Variants in C8orf34 observed in about 807,000 individuals in gnomAD.
The protein encoded by C8orf34 is uncharacterized protein C8orf34.
C8orf34 carries 65 observed loss-of-function variants against 68.3 expected under a neutral mutation model. The observed-to-expected ratio is 0.95, with a 90% confidence interval of 0.78 to 1.17. The LOEUF is 1.17. Among genes scored for constraint, C8orf34 ranks in the 50% most tolerant of loss-of-function variants. The probability of loss-of-function intolerance (pLI) is 0.00; values close to 1 mark genes in which losing one functional copy is unlikely to be tolerated. For missense variants in C8orf34, 664 were observed against 655.4 expected (o/e 1.01, Z -0.14); for synonymous variants, 244 against 241.2 (o/e 1.01, Z -0.11).
At chr8:68,741,947 A>G (rs1301952545) in intron 10 of C8orf34, among the ~76,000 whole-genome samples, 1 of 152,216 alleles carries the variant, frequency 6.6e-6, no homozygotes, top group East Asian at 1.9e-4. Context: ...TTGACATGAC[A>G]TAACCAATCT....
In C8orf34 at chr8:68,787,474, A is replaced by G. The variant is rs777473358; in HGVS notation, c.1487A>G (p.His496Arg). ...TCCTTAAAGCAATTGCAGGTAGTTC[A>G]TCAACCATGGATCTTGCCAAGTGAC... is the stretch of plus-strand genomic sequence containing the variant. ...DESLKQLQVV[H>R]QPWILPSDTE... Residue 496 changes from histidine to arginine, a missense_variant, in exon 12 of 14, where the codon CAT becomes CGT. Transcript: ENST00000518698. 1.9e-6 allele frequency: 3 copies of G among 1,612,814 alleles called. No homozygotes were observed. In the Admixed American group the frequency reaches 5.0e-5, roughly 27 times the overall value.
At chr8:68,491,486 C>G (rs1253886878) in intron 5 of C8orf34, among the ~76,000 whole-genome samples, 2 of 152,098 alleles carry the variant, frequency 1.3e-5, no homozygotes, top group Non-Finnish European at 2.9e-5. Flanking sequence ...CTCACCTTTT[C>G]AAGCTTCTAG....
intron 3 of C8orf34, 23 bp downstream of exon 3, chr8:68,446,483 T>G: frequency 6.2e-7 from 1 of 1,602,202 alleles, no homozygotes. Flanking sequence ...CTTATTCAAA[T>G]GCTATTCAAA....
intron 7 of C8orf34, among the ~76,000 whole-genome samples, chr8:68,579,860 C>T (rs564198200): frequency 1.3e-5 from 2 of 152,244 alleles, no homozygotes; most frequent in Admixed American, 6.5e-5. Context: ...TGTCACTTTT[C>T]TTTCTTGATC....
Position 68,533,136 on chromosome 8 carries a change from A to G in C8orf34, c.1092A>G (p.Ala364=), listed in dbSNP as rs1563513148. Reference sequence around the variant, plus strand: ...AAGATATTGATAATGAAGATGATGCAATGGAATTGCTGGGTAATTTTAAAA... The same window carrying G: ...AAGATATTGATAATGAAGATGATGCGATGGAATTGCTGGGTAATTTTAAAA... ...TEEDIDNEDD[A]MELLEDLNDL... Residue 364 remains alanine (A), a synonymous_variant, in exon 7 of 14, where the codon GCA becomes GCG. Transcript: ENST00000518698. 2.5e-6 allele frequency: 4 copies of G among 1,579,870 alleles called. No individual in the cohort carries two copies. Among genetic ancestry groups the G allele is most frequent in the Non-Finnish European group, 2.6e-6 (3 of 1,168,822 alleles).
At chr8:68,628,781 A>T (rs553177930) in intron 7 of C8orf34, among the ~76,000 whole-genome samples, 1 of 152,326 alleles carries the variant, frequency 6.6e-6, no homozygotes, top group African/African-American at 2.4e-5. Flanking sequence ...GTCTAGTTCA[A>T]GCAGCTGCAA....
At chr8:68,558,879 G>A (rs1586372448) in intron 7 of C8orf34, among the ~76,000 whole-genome samples, 1 of 152,006 alleles carries the variant, frequency 6.6e-6, no homozygotes, top group African/African-American at 2.4e-5. Flanking sequence ...GAAAAAAACC[G>A]AATACAAATC....
intron 10 of C8orf34, among the ~76,000 whole-genome samples, chr8:68,766,036 CA>C (rs749653534): frequency 5.9e-5 from 9 of 152,114 alleles, no homozygotes; most frequent in Non-Finnish European, 1.0e-4. Flanking sequence ...ATTAGAGACA[CA>C]TCTTAAAAGA....
intron 10 of C8orf34, among the ~76,000 whole-genome samples, chr8:68,735,312 G>A (rs1822093703): frequency 6.6e-6 from 1 of 152,178 alleles, no homozygotes; most frequent in African/African-American, 2.4e-5. Context: ...TTGCCCTGCT[G>A]TAAACAAACT....
At chr8:68,609,867 C>A (rs1162992873) in intron 7 of C8orf34, among the ~76,000 whole-genome samples, 2 of 152,076 alleles carry the variant, frequency 1.3e-5, no homozygotes, top group African/African-American at 2.4e-5. Context: ...GTGATGAGTT[C>A]AAACACAACA....
intron 1 of C8orf34, among the ~76,000 whole-genome samples, chr8:68,381,798 G>A (rs940348547): frequency 1.4e-5 from 2 of 147,886 alleles, no homozygotes; most frequent in African/African-American, 2.5e-5. Flanking sequence ...TGAGGATGAT[G>A]TGTGTGCATT....
intron 5 of C8orf34, among the ~76,000 whole-genome samples, chr8:68,521,417 A>G (rs951386796): frequency 3.3e-5 from 5 of 151,986 alleles, no homozygotes; most frequent in African/African-American, 1.2e-4. Flanking sequence ...CCTGACCCCA[A>G]CCCAGTTTCT....
intron 8 of C8orf34, among the ~76,000 whole-genome samples, chr8:68,646,490 T>C (rs1353934372): frequency 6.6e-6 from 1 of 152,178 alleles, no homozygotes; most frequent in Non-Finnish European, 1.5e-5. Flanking sequence ...TCTACTTTTT[T>C]AGTTATTGAA....
chr8:68,337,511 T>C (rs1226716891), intron 1 of C8orf34, among the ~76,000 whole-genome samples: 2 of 152,228 alleles, frequency 1.3e-5, no homozygotes, highest in Non-Finnish European at 2.9e-5. Flanking sequence ...CTAGATATAA[T>C]ACTTCTGTTA....
At chr8:68,787,110 C>T (rs1226854161) in intron 11 of C8orf34, among the ~76,000 whole-genome samples, 2 of 152,126 alleles carry the variant, frequency 1.3e-5, no homozygotes, top group Non-Finnish European at 2.9e-5. Context: ...CAAAGAGGCA[C>T]ATTTTATGCC....
intron 4 of C8orf34, among the ~76,000 whole-genome samples, chr8:68,478,387 G>A (rs1269953443): frequency 6.6e-6 from 1 of 152,088 alleles, no homozygotes; most frequent in African/African-American, 2.4e-5. Flanking sequence ...CATCATTTTA[G>A]TCAAAGCTAT....
At chr8:68,579,917 C>T (rs528358602) in intron 7 of C8orf34, among the ~76,000 whole-genome samples, 36 of 152,240 alleles carry the variant, frequency 2.4e-4, no homozygotes, top group African/African-American at 8.7e-4. Flanking sequence ...TGAGTAATCT[C>T]TACTCTAGAT....
intron 5 of C8orf34, among the ~76,000 whole-genome samples, chr8:68,506,019 G>A (rs1242427905): frequency 1.3e-5 from 2 of 151,978 alleles, no homozygotes; most frequent in African/African-American, 4.8e-5. Context: ...CTATTGCATG[G>A]TAGCCAACTC....
intron 1 of C8orf34, among the ~76,000 whole-genome samples, chr8:68,421,464 A>G (rs1269707260): frequency 3.3e-5 from 5 of 152,238 alleles, no homozygotes; most frequent in African/African-American, 1.2e-4. Flanking sequence ...AAACCCTAGA[A>G]AAAACCTAGT....
Sources: gnomAD v4.1 joint callset for allele counts (sites outside exome capture counted in the v4.1 genomes callset) on GRCh38, gnomAD v4.1.1 for gene constraint, MANE v1.5 for transcripts, NCBI Gene and HGNC (gene_info 2026-07-23, HGNC 2026-07-21) for gene names.